Variants in SMPD3 observed in about 807,000 individuals in gnomAD.
SMPD3 encodes the protein nSMase-2.
SMPD3 carries 21 observed loss-of-function variants against 55.7 expected under a neutral mutation model. The observed-to-expected ratio is 0.38, with a 90% CI of 0.27 to 0.54. The LOEUF is 0.54. SMPD3 is among the 20% of genes least tolerant of loss of function. The probability of loss-of-function intolerance (pLI) is 0.80; values close to 1 mark genes in which losing one functional copy is unlikely to be tolerated. For missense variants in SMPD3, 842 were observed against 899.6 expected (o/e 0.94, Z 0.82); for synonymous variants, 457 against 404.3 (o/e 1.13, Z -1.56).
At chr16:68,435,175 CAG>C (rs2090512780) in intron 1 of SMPD3, among the ~76,000 whole-genome samples, 1 of 152,116 alleles carries the variant, frequency 6.6e-6, no homozygotes, top group Non-Finnish European at 1.5e-5. Context: ...GAACTCTTTG[CAG>C]AGAGAGGGTT....
chr16:68,393,360 C>T (rs1256748497), intron 1 of SMPD3, among the ~76,000 whole-genome samples: 2 of 152,154 alleles, frequency 1.3e-5, no homozygotes, highest in Admixed American at 1.3e-4. Context: ...GCTGAGATAG[C>T]ACCACTGTAC....
In SMPD3 at chr16:68,447,477, G is replaced by GA. The variant is rs1176230938; in HGVS notation, c.-269+875dup. ...AGCCCCAGGCCTGGATCCAGGTAGG[G>GA]AGGGCCTGGGAGATAAGGCCCAGGT... On this transcript the variant is annotated intron_variant, in intron 1 of 8. Coordinates refer to ENST00000219334, the MANE Select transcript of SMPD3 (RefSeq NM_018667.4). This position sits in a 1 kb window ranked among gnomAD's most constrained non-coding sequence, Gnocchi z 5.1. Among the ~76,000 whole-genome samples the GA allele has an allele frequency of 6.6e-6, 1 of 152,188 alleles. No homozygotes were observed. Among genetic ancestry groups the GA allele is most frequent in the Non-Finnish European group, 1.5e-5 (1 of 68,012 alleles).
At position 68,447,818 on chromosome 16, in the gene SMPD3, G is replaced by A. The variant is rs527722545; in HGVS notation, c.-269+535C>T. 6.6e-6 allele frequency among the ~76,000 whole-genome samples: 1 copy of A among 152,178 alleles called. No individual in the cohort carries two copies. Among genetic ancestry groups the A allele is most frequent in the Non-Finnish European group, 1.5e-5 (1 of 67,966 alleles). On this transcript the variant is annotated intron_variant, in intron 1 of 8. Coordinates refer to ENST00000219334, the MANE Select transcript of SMPD3 (RefSeq NM_018667.4). This position sits in a 1 kb window ranked among gnomAD's most constrained non-coding sequence, Gnocchi z 5.1. ...GGAGGAGGGGGGAATAGGGAGGGGG[G>A]CGAGTGTGGAGGAAGGGGCCTGGGC...
chr16:68,406,262 A>G (rs1212963945), intron 1 of SMPD3, among the ~76,000 whole-genome samples: 9 of 152,218 alleles, frequency 5.9e-5, no homozygotes, highest in Admixed American at 5.9e-4. Flanking sequence ...AATAATATAC[A>G]CGTCAACCTT....
chr16:68,394,115 G>A (rs1328116275), intron 1 of SMPD3, among the ~76,000 whole-genome samples: 3 of 152,106 alleles, frequency 2.0e-5, no homozygotes, highest in East Asian at 3.9e-4. Context: ...GTTTTCTTTA[G>A]TTCTAGGCTG....
At chr16:68,418,816 T>C (rs1405414259) in intron 1 of SMPD3, among the ~76,000 whole-genome samples, 1 of 152,198 alleles carries the variant, frequency 6.6e-6, no homozygotes, top group Non-Finnish European at 1.5e-5. Flanking sequence ...GCCTGAACCA[T>C]AGTCTTGAGC....
intron 1 of SMPD3, among the ~76,000 whole-genome samples, chr16:68,432,426 T>C (rs1310032574): frequency 1.3e-5 from 2 of 152,238 alleles, no homozygotes; most frequent in Non-Finnish European, 2.9e-5. Flanking sequence ...AAGTATGTAC[T>C]TAGAGCTGAA....
rs1044506853 is a variant in SMPD3 at position 68,372,252 on chromosome 16, C to T, written c.-71G>A. On this transcript the variant is annotated 5_prime_UTR_variant, in exon 3 of 9. Transcript: ENST00000219334. ...TGGCAGCTGCGGGCACTTTCCTGGG[C>T]GAGGGTGGGCGAGTTGGGGGCAGCT... 84 of 1,560,520 alleles carry T rather than the reference C, an allele frequency of 5.4e-5. No individual in the cohort carries two copies. The African/African-American group carries it at 5.9e-4, about 11-fold the overall frequency.
At chr16:68,409,044 G>A (rs1444683723) in intron 1 of SMPD3, among the ~76,000 whole-genome samples, 1 of 152,164 alleles carries the variant, frequency 6.6e-6, no homozygotes, top group East Asian at 1.9e-4. Context: ...CAGGTGACTG[G>A]GGTGTGTGTG....
intron 1 of SMPD3, among the ~76,000 whole-genome samples, chr16:68,437,300 C>T (rs2090530576): frequency 6.6e-6 from 1 of 152,190 alleles, no homozygotes; most frequent in Non-Finnish European, 1.5e-5. Flanking sequence ...AACATCCGTG[C>T]CTTTATTGTT....
intron 1 of SMPD3, among the ~76,000 whole-genome samples, chr16:68,421,678 T>G (rs913234938): frequency 3.9e-5 from 6 of 152,238 alleles, no homozygotes; most frequent in Admixed American, 3.9e-4. Context: ...CTGATACTCA[T>G]AGCTCGGCCT....
chr16:68,412,594 A>G (rs372053804), intron 1 of SMPD3, among the ~76,000 whole-genome samples: 2 of 152,236 alleles, frequency 1.3e-5, no homozygotes, highest in African/African-American at 4.8e-5. Flanking sequence ...CACAGTTCTG[A>G]TAGACATTGG....
intron 1 of SMPD3, among the ~76,000 whole-genome samples, chr16:68,417,540 C>A (rs1449296010): frequency 6.6e-6 from 1 of 152,202 alleles, no homozygotes; most frequent in African/African-American, 2.4e-5. Flanking sequence ...TGAACTTGGA[C>A]TTAGGAAATA....
At chr16:68,386,940 A>G (rs906825290) in intron 1 of SMPD3, among the ~76,000 whole-genome samples, 1 of 152,086 alleles carries the variant, frequency 6.6e-6, no homozygotes, top group African/African-American at 2.4e-5. Flanking sequence ...GGTGGGATGG[A>G]TGAGCCCTCC....
At chr16:68,441,628 C>T (rs2090566216) in intron 1 of SMPD3, among the ~76,000 whole-genome samples, 1 of 152,114 alleles carries the variant, frequency 6.6e-6, no homozygotes, top group Non-Finnish European at 1.5e-5. Flanking sequence ...ATGTTTTATA[C>T]TTATAGCACA....
At chr16:68,425,071 C>G (rs970714963) in intron 1 of SMPD3, among the ~76,000 whole-genome samples, 2 of 152,184 alleles carry the variant, frequency 1.3e-5, no homozygotes, top group Non-Finnish European at 1.5e-5. Flanking sequence ...ATGCAGAAAC[C>G]TCCTCCCAGG....
chr16:68,395,207 G>A (rs1399011119), intron 1 of SMPD3, among the ~76,000 whole-genome samples: 1 of 152,164 alleles, frequency 6.6e-6, no homozygotes, highest in Non-Finnish European at 1.5e-5. Context: ...TATTGATTGA[G>A]CAACTAATTA....
At chr16:68,410,301 C>T (rs572155777) in intron 1 of SMPD3, among the ~76,000 whole-genome samples, 1 of 152,090 alleles carries the variant, frequency 6.6e-6, no homozygotes, top group South Asian at 2.1e-4. Flanking sequence ...GAGGTGAGGG[C>T]AGAGGCGATG....
chr16:68,409,221 C>T (rs1260874386), intron 1 of SMPD3, among the ~76,000 whole-genome samples: 1 of 152,246 alleles, frequency 6.6e-6, no homozygotes, highest in Non-Finnish European at 1.5e-5. Context: ...CATCATCTTG[C>T]TCGAAACCTT....
Sources: gnomAD v4.1 joint callset for allele counts (sites outside exome capture counted in the v4.1 genomes callset) on GRCh38, gnomAD v4.1.1 for gene constraint, Gnocchi (gnomAD v3.1) non-coding constraint, MANE v1.5 for transcripts, NCBI Gene and HGNC (gene_info 2026-07-23, HGNC 2026-07-21) for gene names.